Variants in CYRIB observed in about 807,000 individuals in gnomAD.
CYRIB encodes CYFIP-related Rac1 interactor B.
Under a neutral mutation model 44.2 loss-of-function variants are expected in CYRIB, and 8 were observed. That is an observed-to-expected ratio of 0.18 (90% CI 0.11 to 0.33). The LOEUF is 0.33. CYRIB is among the 10% of genes least tolerant of loss of function. CYRIB has a pLI of 1.00. For synonymous variants in CYRIB, 131 were observed against 127.2 expected (o/e 1.03, Z -0.20); for missense variants, 185 against 382.8 (o/e 0.48, Z 4.31).
chr8:129,916,795 CT>C (rs2081010925), intron 1 of CYRIB, among the ~76,000 whole-genome samples: 1 of 152,134 alleles, frequency 6.6e-6, no homozygotes, highest in Non-Finnish European at 1.5e-5. Context: ...TTTCTCAAGT[CT>C]TTTGTACCCT....
chr8:129,923,929 C>T (rs543127162), intron 1 of CYRIB, among the ~76,000 whole-genome samples: 3 of 148,982 alleles, frequency 2.0e-5, no homozygotes, highest in African/African-American at 5.0e-5. Context: ...ACTGCAAAAC[C>T]GGTGATGTTA....
intron 2 of CYRIB, among the ~76,000 whole-genome samples, chr8:129,887,183 T>C (rs2134408206): frequency 6.6e-6 from 1 of 152,224 alleles, no homozygotes; most frequent in East Asian, 1.9e-4. Flanking sequence ...AGGGCCTGGC[T>C]GCCCTGGGGA....
intron 9 of CYRIB, 88 bp downstream of exon 11, chr8:129,850,747 A>G (rs2042837462): frequency 6.7e-6 from 6 of 901,854 alleles, no homozygotes; most frequent in African/African-American, 1.7e-5. Flanking sequence ...CAGATAAAAC[A>G]TGTTAACATG....
At chr8:129,903,602 TACTC>T (rs1438076316) in intron 1 of CYRIB, among the ~76,000 whole-genome samples, 2 of 152,188 alleles carry the variant, frequency 1.3e-5, no homozygotes, top group African/African-American at 2.4e-5. Context: ...ACCGTCAACA[TACTC>T]AGAGAGTAAA....
At chr8:129,850,091 T>C (rs2042452163) in intron 9 of CYRIB, 1 of 152,204 alleles carries the variant, frequency 6.6e-6, no homozygotes, top group Non-Finnish European at 1.5e-5. Flanking sequence ...CTCCCTGAAG[T>C]TGGTGGTGGG....
chr8:129,994,319 C>G (rs906198771), intron 1 of CYRIB, among the ~76,000 whole-genome samples: 1 of 152,180 alleles, frequency 6.6e-6, no homozygotes, highest in African/African-American at 2.4e-5. Flanking sequence ...AAGAGGGAAC[C>G]AACCCTCCCG....
At chr8:129,848,842 G>C (rs564516767) in intron 10 of CYRIB, among the ~76,000 whole-genome samples, 4 of 151,932 alleles carry the variant, frequency 2.6e-5, no homozygotes, top group Admixed American at 6.6e-5. Flanking sequence ...AAAGTGCTTG[G>C]GCTACAGGCA....
At chr8:129,992,570 C>A (rs2096664516) in intron 1 of CYRIB, among the ~76,000 whole-genome samples, 1 of 152,146 alleles carries the variant, frequency 6.6e-6, no homozygotes, top group African/African-American at 2.4e-5. Context: ...ACGCACAGAC[C>A]TTGTTTTCCA....
intron 4 of CYRIB, among the ~76,000 whole-genome samples, chr8:129,867,022 C>CTCA (rs1444164958): frequency 6.6e-6 from 1 of 152,238 alleles, no homozygotes; most frequent in Non-Finnish European, 1.5e-5. Flanking sequence ...GGCACACTGG[C>CTCA]TCACGCCTGT....
At chr8:130,006,720 T>C (rs2097110786) in intron 1 of CYRIB, among the ~76,000 whole-genome samples, 1 of 141,012 alleles carries the variant, frequency 7.1e-6, no homozygotes, top group Non-Finnish European at 1.5e-5. Flanking sequence ...CCAGGAAGTG[T>C]AAGCACACCC....
chr8:129,919,538 G>A (rs1473805760), intron 1 of CYRIB, among the ~76,000 whole-genome samples: 2 of 152,206 alleles, frequency 1.3e-5, no homozygotes, highest in African/African-American at 2.4e-5. Flanking sequence ...GAGTTCTGTG[G>A]TTAAACTGCT....
chr8:130,002,997 G>C (rs1016977885), intron 1 of CYRIB, among the ~76,000 whole-genome samples: 1 of 152,244 alleles, frequency 6.6e-6, no homozygotes. Flanking sequence ...TGCCTCTAGA[G>C]ATGGCACTTG....
chr8:129,966,946 T>A (rs1343055310), intron 2 of CYRIB, among the ~76,000 whole-genome samples: 1 of 152,110 alleles, frequency 6.6e-6, no homozygotes, highest in African/African-American at 2.4e-5. Flanking sequence ...CCTCCCACCT[T>A]GGCTTCTCAA....
intron 4 of CYRIB, among the ~76,000 whole-genome samples, chr8:129,870,306 C>T (rs115063725): frequency 3.1e-4 from 47 of 152,236 alleles, no homozygotes; most frequent in Admixed American, 9.8e-4. Context: ...GCTACTTGGG[C>T]GACTGAGGCA....
chr8:130,014,343 T>C (rs933891097), intron 1 of CYRIB, among the ~76,000 whole-genome samples: 2 of 152,178 alleles, frequency 1.3e-5, no homozygotes, highest in African/African-American at 2.4e-5. Context: ...GGTAGGAGGA[T>C]GGCTTGAGCC....
intron 1 of CYRIB, among the ~76,000 whole-genome samples, chr8:129,997,976 C>A (rs1190137731): frequency 6.6e-6 from 1 of 151,908 alleles, no homozygotes; most frequent in Non-Finnish European, 1.5e-5. Context: ...CAAAAATTAG[C>A]TGGGCGTGAT....
intron 4 of CYRIB, chr8:129,864,801 G>A (rs2132557734): frequency 4.5e-6 from 2 of 441,700 alleles, no homozygotes; most frequent in South Asian, 1.7e-5. Context: ...GCCGCGTCCT[G>A]AATTCTTACT....
Position 129,920,867 on chromosome 8 carries a change from C to T in CYRIB, c.-49-17517G>A, listed in dbSNP as rs190601791. 4.6e-4 allele frequency among the ~76,000 whole-genome samples: 70 copies of T among 152,246 alleles called. No individual in the cohort carries two copies. In the South Asian group the frequency reaches 0.01, roughly 22 times the overall value. On this transcript the variant is annotated intron_variant, in intron 1 of 11. Coordinates refer to ENST00000519824, the Ensembl canonical transcript of CYRIB. ...TTACTATTTGCAGTATCTAGGAATT[C>T]ATTTTATCTACAGAGATAGATTTCT...
chr8:129,908,560 A>T (rs1339098844), intron 1 of CYRIB, among the ~76,000 whole-genome samples: 1 of 152,206 alleles, frequency 6.6e-6, no homozygotes, highest in Non-Finnish European at 1.5e-5. Context: ...CAAAGTGTGT[A>T]GATTAATGGA....
Sources: gnomAD v4.1 joint callset for allele counts (sites outside exome capture counted in the v4.1 genomes callset) on GRCh38, gnomAD v4.1.1 for gene constraint, MANE v1.5 for transcripts, NCBI Gene and HGNC (gene_info 2026-07-23, HGNC 2026-07-21) for gene names.